The following DLGAP2 variants were observed in gnomAD, a reference collection of about 807,000 sequenced individuals.
DLGAP2 encodes DLG associated protein 2, also known as disks large-associated protein 2.
In DLGAP2, 26 loss-of-function variants were observed where a neutral mutation model predicts 100.3. That is an observed-to-expected ratio of 0.26 (90% confidence interval 0.19 to 0.36). DLGAP2 has a LOEUF of 0.36. Ranked by LOEUF, DLGAP2 falls within the 10% of genes least tolerant of loss-of-function variation. The pLI is 1.00. For synonymous variants in DLGAP2, 886 were observed against 630.1 expected (o/e 1.41, Z -6.08); for missense variants, 1,858 against 1,453.2 (o/e 1.28, Z -4.53).
rs558543677 is a variant in DLGAP2 at position 772,478 on chromosome 8, G to A, written c.18+34653G>A. ...GCTGGGACTACAGGCACACACCACC[G>A]TGTCTGGCTAATTTTTGTATTTTTA... On this transcript the variant is annotated intron_variant, in intron 1 of 14. Coordinates refer to ENST00000637795, the MANE Select transcript of DLGAP2 (RefSeq NM_001346810.2). 2.6e-4 allele frequency among the ~76,000 whole-genome samples: 39 copies of A among 152,110 alleles called. No homozygotes were observed. In the South Asian group the frequency reaches 7.5e-3, roughly 29 times the overall value.
At chr8:1,135,982 G>A (rs1180114296) in intron 2 of DLGAP2, among the ~76,000 whole-genome samples, 3 of 152,228 alleles carry the variant, frequency 2.0e-5, no homozygotes, top group African/African-American at 7.2e-5. Context: ...CAGAATCAAT[G>A]AGCCAGATCC....
At chr8:1,309,639 G>C (rs1800567543) in intron 3 of DLGAP2, among the ~76,000 whole-genome samples, 1 of 152,200 alleles carries the variant, frequency 6.6e-6, no homozygotes, top group South Asian at 2.1e-4. Context: ...GCTATATGAA[G>C]TGAAAGGTCT....
At chr8:1,190,625 T>C (rs1363131133) in intron 2 of DLGAP2, among the ~76,000 whole-genome samples, 1 of 152,304 alleles carries the variant, frequency 6.6e-6, no homozygotes, top group East Asian at 1.9e-4. Flanking sequence ...GTTTGGTGAC[T>C]GTGCGAGGTT....
intron 2 of DLGAP2, among the ~76,000 whole-genome samples, chr8:1,244,359 A>T (rs898337668): frequency 6.6e-6 from 1 of 152,242 alleles, no homozygotes; most frequent in South Asian, 2.1e-4. Flanking sequence ...GGCTGAGCAC[A>T]TGTGTTAAAC....
chr8:1,303,596 C>G (rs184163712), intron 3 of DLGAP2, among the ~76,000 whole-genome samples: 12 of 152,238 alleles, frequency 7.9e-5, no homozygotes, highest in Admixed American at 3.9e-4. Flanking sequence ...GTAACTCTCT[C>G]TTAACGGAGA....
intron 3 of DLGAP2, among the ~76,000 whole-genome samples, chr8:1,447,751 C>A (rs1366669542): frequency 2.0e-5 from 3 of 152,172 alleles, no homozygotes; most frequent in African/African-American, 7.2e-5. Context: ...TTGATTATTG[C>A]CACAATTTCA....
chr8:1,116,735 A>G (rs1374237381), intron 2 of DLGAP2, among the ~76,000 whole-genome samples: 1 of 152,166 alleles, frequency 6.6e-6, no homozygotes, highest in African/African-American at 2.4e-5. Context: ...CAGGAGGTCA[A>G]GGCTACAGTG....
intron 4 of DLGAP2, among the ~76,000 whole-genome samples, chr8:1,510,021 C>T (rs897657649): frequency 1.3e-5 from 2 of 152,200 alleles, no homozygotes; most frequent in African/African-American, 4.8e-5. Context: ...TCCATGACAA[C>T]TAATTTATTT....
chr8:1,110,042 A>C (rs1230045498), intron 2 of DLGAP2, among the ~76,000 whole-genome samples: 1 of 130,870 alleles, frequency 7.6e-6, no homozygotes, highest in Admixed American at 7.7e-5. Context: ...CGTGCCTATG[A>C]AGTGTGCTGG....
At chr8:796,306 G>C (rs1236152641) in intron 1 of DLGAP2, among the ~76,000 whole-genome samples, 5 of 152,256 alleles carry the variant, frequency 3.3e-5, no homozygotes, top group Middle Eastern at 3.4e-3. Flanking sequence ...TCCCTGCTCT[G>C]AGCTTGTCAT....
At chr8:758,930 A>T (rs755753967) in intron 1 of DLGAP2, among the ~76,000 whole-genome samples, 20 of 151,936 alleles carry the variant, frequency 1.3e-4, no homozygotes, top group East Asian at 5.8e-4. Context: ...TTCCTATCTA[A>T]CCACTACCCT....
intron 2 of DLGAP2, among the ~76,000 whole-genome samples, chr8:1,024,988 A>G (rs759914945): frequency 2.0e-5 from 3 of 151,990 alleles, no homozygotes; most frequent in Admixed American, 6.6e-5. Context: ...GCCTTTTTCC[A>G]CAAGAGTAGC....
chr8:1,664,304 A>G (rs916574423), intron 8 of DLGAP2, among the ~76,000 whole-genome samples: 4 of 152,076 alleles, frequency 2.6e-5, no homozygotes, highest in African/African-American at 9.7e-5. Flanking sequence ...GGCACAGGCT[A>G]TGTCCGCTGG....
chr8:1,581,631 A>G (rs972878764), intron 6 of DLGAP2, among the ~76,000 whole-genome samples: 8 of 150,866 alleles, frequency 5.3e-5, no homozygotes, highest in African/African-American at 2.0e-4. Flanking sequence ...ATACAGACAA[A>G]ACACCACACA....
rs114506871 is a variant in DLGAP2 at position 1,677,438 on chromosome 8, C to T, written c.2289-776C>T. On this transcript the variant is annotated intron_variant, in intron 11 of 14. Coordinates refer to ENST00000637795, the MANE Select transcript of DLGAP2 (RefSeq NM_001346810.2). ...ACGTGGCAACGTCACTAACCAGCTG[C>T]ATGCACAGCTGTGTGCTTCTATGGG... Among the ~76,000 whole-genome samples the T allele has an allele frequency of 8.1e-3, 1,234 of 152,300 alleles. 23 individuals are homozygous for T. Among genetic ancestry groups the T allele is most frequent in the African/African-American group, 0.028 (1,184 of 41,560 alleles).
intron 2 of DLGAP2, among the ~76,000 whole-genome samples, chr8:1,046,753 C>T (rs1363890142): frequency 6.6e-6 from 1 of 152,110 alleles, no homozygotes; most frequent in Non-Finnish European, 1.5e-5. Context: ...CTCTCTTCAG[C>T]TCTTGATTAA....
At chr8:1,275,481 T>A (rs1025816201) in intron 3 of DLGAP2, among the ~76,000 whole-genome samples, 3 of 151,760 alleles carry the variant, frequency 2.0e-5, no homozygotes, top group Non-Finnish European at 4.4e-5. Context: ...GACTTCATTC[T>A]CCAGTCAGAC....
chr8:869,279 C>T (rs557927296), intron 1 of DLGAP2, among the ~76,000 whole-genome samples: 2 of 152,070 alleles, frequency 1.3e-5, no homozygotes, highest in East Asian at 1.9e-4. Context: ...AAGCTGTTTT[C>T]GCGTCCTTCT....
At chr8:1,085,281 G>A (rs181315202) in intron 2 of DLGAP2, among the ~76,000 whole-genome samples, 2 of 152,242 alleles carry the variant, frequency 1.3e-5, no homozygotes, top group Admixed American at 1.3e-4. Flanking sequence ...CAGATGTATG[G>A]CTTGCAAATA....
Sources: gnomAD v4.1 joint callset for allele counts (sites outside exome capture counted in the v4.1 genomes callset) on GRCh38, gnomAD v4.1.1 for gene constraint, MANE v1.5 for transcripts, NCBI Gene and HGNC (gene_info 2026-07-23, HGNC 2026-07-21) for gene names.